The following SAMD12 variants were observed in gnomAD, a reference collection of about 807,000 sequenced individuals.
The protein encoded by SAMD12 is sterile alpha motif domain-containing protein 12.
SAMD12 carries 9 observed loss-of-function variants against 15.0 expected under a neutral mutation model. The observed-to-expected ratio is 0.60, with a 90% CI of 0.36 to 1.05. The LOEUF is 1.05. Ranked by LOEUF, SAMD12 falls within the 50% of genes least tolerant of loss-of-function variation. SAMD12 has a pLI of 0.01. For missense variants in SAMD12, 230 were observed against 234.2 expected, an observed-to-expected ratio of 0.98 and a Z score of 0.12; for synonymous variants, 86 against 90.1, an observed-to-expected ratio of 0.96 and a Z score of 0.25.
At chr8:118,606,167 C>G (rs1027034419) in intron 1 of SAMD12, among the ~76,000 whole-genome samples, 3 of 151,996 alleles carry the variant, frequency 2.0e-5, no homozygotes, top group Non-Finnish European at 4.4e-5. Flanking sequence ...AGATCTTGGC[C>G]CTAGTCTGGC....
At chr8:118,342,847 T>G (rs747872602) in intron 4 of SAMD12, among the ~76,000 whole-genome samples, 7 of 152,192 alleles carry the variant, frequency 4.6e-5, no homozygotes, top group Non-Finnish European at 8.8e-5. Flanking sequence ...CAACAGGCTT[T>G]TGACAGACAG....
intron 4 of SAMD12, among the ~76,000 whole-genome samples, chr8:118,251,485 C>T (rs1220467911): frequency 6.6e-6 from 1 of 152,092 alleles, no homozygotes; most frequent in Non-Finnish European, 1.5e-5. Context: ...TTCACCAGGT[C>T]TTTTTACGCC....
At chr8:118,349,293 G>C (rs1025987971) in intron 4 of SAMD12, among the ~76,000 whole-genome samples, 1 of 152,192 alleles carries the variant, frequency 6.6e-6, no homozygotes, top group Admixed American at 6.5e-5. Flanking sequence ...CGAGATATAT[G>C]AAAAGTCAGC....
At position 118,309,436 on chromosome 8, in the gene SAMD12, C is replaced by T. The variant is rs537289890; in HGVS notation, c.433+70124G>A. 2.7e-5 allele frequency among the ~76,000 whole-genome samples: 4 copies of T among 148,520 alleles called. No individual in the cohort carries two copies. In the South Asian group the frequency reaches 8.4e-4, roughly 31 times the overall value. On this transcript the variant is annotated intron_variant, in intron 4 of 4. Coordinates refer to the SAMD12 transcript ENST00000409003. The stretch of plus-strand genomic sequence containing the variant: ...TGTATTATCACATTTTATTTATCCA[C>T]TTGTTGATTGACGGGCATTTGGGCC...
chr8:118,513,801 CT>C (rs1458880509), intron 2 of SAMD12, among the ~76,000 whole-genome samples: 1 of 152,150 alleles, frequency 6.6e-6, no homozygotes, highest in Non-Finnish European at 1.5e-5. Flanking sequence ...GAAAACAAAG[CT>C]TGACTATCAA....
At chr8:118,350,833 T>C (rs1014822552) in intron 4 of SAMD12, among the ~76,000 whole-genome samples, 18 of 152,224 alleles carry the variant, frequency 1.2e-4, no homozygotes, top group East Asian at 3.8e-4. Flanking sequence ...GACCATAGCA[T>C]AGTAGATTCT....
chr8:118,142,266 C>A, the SAMD12 span, among the ~76,000 whole-genome samples: 17 of 152,168 alleles, frequency 1.1e-4, no homozygotes, highest in African/African-American at 3.6e-4. Flanking sequence ...TGACATTAAC[C>A]TTTTAAGAAT....
chr8:118,499,160 T>C (rs1563896039), intron 2 of SAMD12, among the ~76,000 whole-genome samples: 1 of 152,336 alleles, frequency 6.6e-6, no homozygotes, highest in East Asian at 1.9e-4. Flanking sequence ...TGCCAGAGGC[T>C]CATCCTAACA....
At chr8:118,407,208 T>C (rs377606021) in intron 3 of SAMD12, among the ~76,000 whole-genome samples, 39 of 152,290 alleles carry the variant, frequency 2.6e-4, no homozygotes, top group East Asian at 1.7e-3. Flanking sequence ...ATGGATCATA[T>C]GGTAATTCTA....
chr8:118,232,149 G>T (rs984729755), intron 4 of SAMD12, among the ~76,000 whole-genome samples: 2 of 152,132 alleles, frequency 1.3e-5, no homozygotes, highest in South Asian at 2.1e-4. Flanking sequence ...ACATGAGGAG[G>T]ATAAGACAGG....
intron 4 of SAMD12, among the ~76,000 whole-genome samples, chr8:118,287,326 C>A (rs1031325462): frequency 3.3e-5 from 5 of 150,890 alleles, no homozygotes; most frequent in Admixed American, 6.6e-5. Flanking sequence ...GGGGTTTCAC[C>A]GTGTTAGCCA....
At chr8:118,223,971 T>C (rs1185783031) in intron 4 of SAMD12, among the ~76,000 whole-genome samples, 2 of 152,206 alleles carry the variant, frequency 1.3e-5, no homozygotes, top group African/African-American at 2.4e-5. Flanking sequence ...AATTGCAATA[T>C]ATGTGCAATT....
At chr8:118,167,113 C>A in the SAMD12 span, among the ~76,000 whole-genome samples, 2 of 152,290 alleles carry the variant, frequency 1.3e-5, no homozygotes, top group Non-Finnish European at 2.9e-5. Context: ...GGTGAAGCAT[C>A]TTGAACTCCA....
At chr8:118,135,514 A>G in the SAMD12 span, among the ~76,000 whole-genome samples, 1 of 151,304 alleles carries the variant, frequency 6.6e-6, no homozygotes, top group Non-Finnish European at 1.5e-5. Context: ...GACTTGAATG[A>G]GGAATTTTTC....
intron 3 of SAMD12, among the ~76,000 whole-genome samples, chr8:118,403,571 A>T (rs952952362): frequency 6.6e-6 from 1 of 152,244 alleles, no homozygotes; most frequent in Admixed American, 6.5e-5. Context: ...ATTAAATTCG[A>T]TGATCCATAT....
the SAMD12 span, among the ~76,000 whole-genome samples, chr8:118,176,295 T>C: frequency 1.3e-5 from 2 of 152,056 alleles, no homozygotes; most frequent in Admixed American, 6.6e-5. Context: ...AGCAAAACTC[T>C]GTCTAAAAAA....
chr8:118,424,633 G>C (rs1822163279), intron 3 of SAMD12, among the ~76,000 whole-genome samples: 1 of 152,134 alleles, frequency 6.6e-6, no homozygotes, highest in African/African-American at 2.4e-5. Context: ...CAGGGAACAT[G>C]GGGGATCAAA....
chr8:118,386,562 A>G (rs542377894), intron 3 of SAMD12, among the ~76,000 whole-genome samples: 5 of 152,302 alleles, frequency 3.3e-5, no homozygotes, highest in African/African-American at 1.2e-4. Flanking sequence ...AGCCTATCAC[A>G]GCTGAAAGGA....
chr8:118,573,366 A>G (rs915464772), intron 2 of SAMD12, among the ~76,000 whole-genome samples: 1 of 152,188 alleles, frequency 6.6e-6, no homozygotes, highest in African/African-American at 2.4e-5. Context: ...GATTACAGGC[A>G]TAAGCCACTG....
Sources: gnomAD v4.1 joint callset for allele counts (sites outside exome capture counted in the v4.1 genomes callset) on GRCh38, gnomAD v4.1.1 for gene constraint, MANE v1.5 for transcripts, NCBI Gene and HGNC (gene_info 2026-07-23, HGNC 2026-07-21) for gene names.